ANXA3: variants seen among roughly 807,000 people sequenced by gnomAD.
The protein encoded by ANXA3 is annexin A3.
A neutral mutation model predicts 48.8 loss-of-function variants in ANXA3; 46 were observed. That is an observed-to-expected ratio of 0.94 (90% CI 0.74 to 1.21). The LOEUF (loss-of-function observed/expected upper bound fraction) is 1.21, where lower values mean the gene tolerates loss of function less well. Among genes scored for constraint, ANXA3 ranks in the 50% most tolerant of loss-of-function variants. The pLI is 0.00. For missense variants in ANXA3, 383 were observed against 378.6 expected, an observed-to-expected ratio of 1.01 and a Z score of -0.10; for synonymous variants, 128 against 134.7, an observed-to-expected ratio of 0.95 and a Z score of 0.35.
rs761166138 is a variant in ANXA3, at chr4:78,573,185, A to G, written c.21A>G (p.Gly7=). 3.1e-6 allele frequency: 5 copies of G among 1,611,034 alleles called. No homozygotes were observed. The highest frequency in any genetic ancestry group is 1.6e-4 in the Middle Eastern group (1 of 6,078). Residue 7 remains glycine (G), a synonymous_variant, in exon 3 of 13, where the codon GGA becomes GGG. Transcript: ENST00000264908. ...TTTCAAGTATTTCCTTCTAGGTTGG[A>G]CACCGAGGAACAGTAAGAGATTATC... MASIWV[G]HRGTVRDYPD...
intron 12 of ANXA3, among the ~76,000 whole-genome samples, chr4:78,605,983 A>G (rs1723638621): frequency 6.6e-6 from 1 of 152,212 alleles, no homozygotes; most frequent in Admixed American, 6.5e-5. Context: ...CAGACCACAT[A>G]TGAAAGTCTC....
At chr4:78,571,517 A>G (rs1356452308) in intron 2 of ANXA3, among the ~76,000 whole-genome samples, 1 of 152,230 alleles carries the variant, frequency 6.6e-6, no homozygotes, top group Non-Finnish European at 1.5e-5. Context: ...CTAATTTTCC[A>G]TTCACTTTAA....
Position 78,586,317 on chromosome 4 carries a change from C to G in ANXA3, c.370C>G (p.Gln124Glu). The change falls in exon 6 of 13, where the codon CAA becomes GAA. Residue 124 changes from glutamine to glutamate, a missense_variant. Transcript: ENST00000264908. ...AATCTTAACTACCAGGACAAGCAGGCAAATGAAGGATATCTCTCAAGCCTA... is the reference window on the plus strand; with the variant it reads ...AATCTTAACTACCAGGACAAGCAGGGAAATGAAGGATATCTCTCAAGCCTA... The part of the protein sequence containing the change: ...IEILTTRTSR[Q>E]MKDISQAYYT... 1 of 1,613,538 alleles carries G rather than the reference C, an allele frequency of 6.2e-7. No homozygotes were observed.
chr4:78,596,135 T>G (rs1578402729), intron 9 of ANXA3, among the ~76,000 whole-genome samples: 1 of 151,596 alleles, frequency 6.6e-6, no homozygotes, highest in South Asian at 2.1e-4. Context: ...GGGAGGGAGG[T>G]GGCAGGGAGA....
In ANXA3 at chr4:78,608,746, C is replaced by A. The variant is rs186496314; in HGVS notation, c.913-1310C>A. ...TTTGTTTGTTTGTTTGTTTCCTTTT[C>A]TTTTGGGGGAGTGGGGGGAGGTTTA... On this transcript the variant is annotated intron_variant, in intron 12 of 12. Coordinates refer to ENST00000264908, the MANE Select transcript of ANXA3 (RefSeq NM_005139.3). Among the ~76,000 whole-genome samples, 386 of 151,968 alleles carry A rather than the reference C, an allele frequency of 2.5e-3. 1 individual carries two copies. The highest frequency in any genetic ancestry group is 8.5e-3 in the African/African-American group (354 of 41,482).
chr4:78,553,003 C>T (rs1282951578), intron 1 of ANXA3, among the ~76,000 whole-genome samples: 1 of 152,196 alleles, frequency 6.6e-6, no homozygotes, highest in Non-Finnish European at 1.5e-5. Flanking sequence ...ATTTGGCCTT[C>T]GCTGTGGAGT....
chr4:78,582,087 T>A (rs887941332), intron 4 of ANXA3, 90 bp from the exon 5 acceptor site: 2 of 748,998 alleles, frequency 2.7e-6, no homozygotes, highest in African/African-American at 3.5e-5. Context: ...TTTGTCTGAT[T>A]TTGATACATA....
chr4:78,579,296 G>A (rs1324020050), intron 4 of ANXA3, among the ~76,000 whole-genome samples, 175 bp downstream of exon 4: 2 of 152,170 alleles, frequency 1.3e-5, no homozygotes, highest in East Asian at 3.9e-4. Flanking sequence ...TAGCTGACTG[G>A]CTTTGGGCAT....
intron 2 of ANXA3, among the ~76,000 whole-genome samples, chr4:78,562,495 A>G (rs537207558): frequency 1.3e-5 from 2 of 152,366 alleles, no homozygotes; most frequent in South Asian, 4.1e-4. Context: ...ACCATATGGC[A>G]TGGAGCTCTG....
intron 2 of ANXA3, among the ~76,000 whole-genome samples, chr4:78,565,523 A>C (rs1722712547): frequency 6.6e-6 from 1 of 152,210 alleles, no homozygotes; most frequent in African/African-American, 2.4e-5. Flanking sequence ...AAGGAATCAA[A>C]GGGGACTCCC....
chr4:78,556,239 T>TA (rs1722508851), intron 2 of ANXA3, among the ~76,000 whole-genome samples: 2 of 152,194 alleles, frequency 1.3e-5, no homozygotes, highest in Admixed American at 1.3e-4. Flanking sequence ...ATTTATAACT[T>TA]ACAGGCATTT....
chr4:78,556,855 C>T lies in ANXA3; in HGVS notation c.15+2367C>T, dbSNP rs766742435. Among the ~76,000 whole-genome samples the T allele has an allele frequency of 8.5e-5, 13 of 152,266 alleles. No homozygotes were observed. The East Asian group carries it at 2.3e-3, about 27-fold the overall frequency. The stretch of plus-strand genomic sequence containing the variant: ...GCTCTCCTGCTGACACCTTCAAAGG[C>T]GTGGCACATTTCTGAAGGGCTAGGA... On this transcript the variant is annotated intron_variant, in intron 2 of 12. Transcript: ENST00000264908.
intron 10 of ANXA3, among the ~76,000 whole-genome samples, chr4:78,598,736 C>T (rs542135121): frequency 1.3e-5 from 2 of 152,096 alleles, no homozygotes; most frequent in Admixed American, 1.3e-4. Flanking sequence ...GACAGGGTTT[C>T]ACCATGTTGG....
intron 5 of ANXA3, 100 bp from the exon 6 acceptor site, chr4:78,586,160 A>G: frequency 2.6e-6 from 2 of 768,928 alleles, no homozygotes; most frequent in East Asian, 5.2e-5. Context: ...GATTTACTTA[A>G]AAGTGTCCTT....
At position 78,582,263 on chromosome 4, in the gene ANXA3, T is replaced by G; in HGVS notation, c.285T>G (p.Asp95Glu). The G allele has an allele frequency of 6.2e-7, 1 of 1,613,428 alleles. No homozygotes were observed. The highest frequency in any genetic ancestry group is 8.5e-7 in the Non-Finnish European group (1 of 1,179,410). ...TAGTGACTCCACCAGCAGTCTTTGA[T>G]GCAAAGCAGCTAAAGAAATCCATGA... ...VALVTPPAVFDAKQLKKSMKG... is the reference protein window; with the variant it reads ...VALVTPPAVFEAKQLKKSMKG... The change falls in exon 5 of 13, where the codon GAT becomes GAG. Residue 95 changes from aspartate to glutamate, a missense_variant. Coordinates refer to ENST00000264908, the MANE Select transcript of ANXA3 (RefSeq NM_005139.3).
intron 2 of ANXA3, chr4:78,572,934 C>T (rs1722868430): frequency 1.7e-6 from 1 of 580,626 alleles, no homozygotes; most frequent in East Asian, 3.6e-5. Flanking sequence ...TTAGTTTGCC[C>T]CACACCCAGG....
chr4:78,607,684 A>G (rs1037551732), intron 12 of ANXA3, among the ~76,000 whole-genome samples: 3 of 152,216 alleles, frequency 2.0e-5, no homozygotes, highest in Non-Finnish European at 4.4e-5. Context: ...TGAAGAAACA[A>G]TTAGAAGATA....
At chr4:78,587,907 T>C (rs1024567984) in intron 6 of ANXA3, among the ~76,000 whole-genome samples, 16 of 151,704 alleles carry the variant, frequency 1.1e-4, no homozygotes, top group African/African-American at 3.9e-4. Flanking sequence ...GCCTGGCCAA[T>C]ATGGTGAAAT....
At chr4:78,576,583 C>A (rs76241921) in intron 3 of ANXA3, among the ~76,000 whole-genome samples, 4,648 of 152,264 alleles carry the variant, frequency 0.031, 215 homozygotes, top group African/African-American at 0.095. Context: ...AGATGTGAGT[C>A]ACTGCACCCA....
Sources: allele counts gnomAD v4.1 joint callset (sites outside exome capture counted in the v4.1 genomes callset), GRCh38; gene constraint gnomAD v4.1.1; transcripts MANE v1.5; gene names NCBI Gene and HGNC (gene_info 2026-07-23, HGNC 2026-07-21).